Variants in AUTS2 observed in about 807,000 individuals in gnomAD.
AUTS2 encodes activator of transcription and developmental regulator AUTS2.
A neutral mutation model predicts 112.4 loss-of-function variants in AUTS2; 17 were observed. That is an observed-to-expected ratio of 0.15 (90% CI 0.10 to 0.23). The LOEUF (loss-of-function observed/expected upper bound fraction) is 0.23. AUTS2 is among the 10% of genes least tolerant of loss of function. AUTS2 has a pLI of 1.00. For missense variants in AUTS2, 1,510 were observed against 1,701.6 expected (o/e 0.89, Z 1.98); for synonymous variants, 751 against 702.7 (o/e 1.07, Z -1.09).
intron 4 of AUTS2, among the ~76,000 whole-genome samples, chr7:70,325,035 A>G (rs769554589): frequency 5.9e-5 from 9 of 152,152 alleles, no homozygotes; most frequent in East Asian, 3.9e-4. Flanking sequence ...CCAGGGTCCA[A>G]TTGTCCCTTC....
rs1357928695 is a variant in AUTS2, at chr7:70,156,890, G to GCAAAA, written c.660+22319_660+22320insCAAAA. On this transcript the variant is annotated intron_variant, in intron 4 of 18. Transcript: ENST00000342771. ...TAGTGAAACCCCATCTCTACTAAAAGTAAAAAAAAAAAAAAAAAAAAAAAA... is the reference window on the plus strand; with the variant it reads ...TAGTGAAACCCCATCTCTACTAAAAGCAAAATAAAAAAAAAAAAAAAAAAAAAAAA... Among the ~76,000 whole-genome samples the GCAAAA allele has an allele frequency of 1.3e-3, 8 of 6,022 alleles. 1 individual carries two copies. Among genetic ancestry groups the GCAAAA allele is most frequent in the Non-Finnish European group, 2.3e-3 (8 of 3,472 alleles). The allele number at this position is 6,022 out of a possible 152,430, so 4.0% of individuals were successfully genotyped here.
chr7:69,634,276 C>T (rs902944021), intron 1 of AUTS2, among the ~76,000 whole-genome samples: 7 of 151,920 alleles, frequency 4.6e-5, no homozygotes, highest in East Asian at 1.9e-4. Flanking sequence ...CCCGCCATCA[C>T]GCCCGGCTAA....
intron 1 of AUTS2, among the ~76,000 whole-genome samples, chr7:69,752,492 A>G (rs564518442): frequency 7.9e-5 from 12 of 152,304 alleles, no homozygotes; most frequent in African/African-American, 2.9e-4. Flanking sequence ...ACTGCCCCTG[A>G]ATGTGTTTTT....
At chr7:69,926,872 G>GAT (rs1056446076) in intron 2 of AUTS2, among the ~76,000 whole-genome samples, 4 of 144,188 alleles carry the variant, frequency 2.8e-5, no homozygotes, top group Non-Finnish European at 6.0e-5. Context: ...TACATATAAA[G>GAT]ATATATATAA....
chr7:69,755,922 A>T (rs1318447679), intron 1 of AUTS2, among the ~76,000 whole-genome samples: 1 of 152,194 alleles, frequency 6.6e-6, no homozygotes, highest in Non-Finnish European at 1.5e-5. Flanking sequence ...ATGATTTTAT[A>T]GTTTGCTAAT....
intron 4 of AUTS2, among the ~76,000 whole-genome samples, chr7:70,421,924 A>C (rs758591073): frequency 5.9e-5 from 9 of 152,204 alleles, no homozygotes; most frequent in Non-Finnish European, 1.3e-4. Context: ...ATTTTCTTGC[A>C]GACAATTTAT....
chr7:69,793,086 G>A (rs1789689341), intron 1 of AUTS2, among the ~76,000 whole-genome samples: 1 of 152,158 alleles, frequency 6.6e-6, no homozygotes, highest in Admixed American at 6.5e-5. Context: ...CTGGATACAA[G>A]GAGGGCTGGG....
intron 5 of AUTS2, among the ~76,000 whole-genome samples, chr7:70,496,642 C>CCCA (rs1798532753): frequency 7.0e-6 from 1 of 142,090 alleles, no homozygotes; most frequent in Admixed American, 7.1e-5. Flanking sequence ...CACACACACC[C>CCCA]CACACATGCA....
At chr7:69,772,649 G>T (rs1343738066) in intron 1 of AUTS2, among the ~76,000 whole-genome samples, 1 of 152,136 alleles carries the variant, frequency 6.6e-6, no homozygotes, top group Non-Finnish European at 1.5e-5. Flanking sequence ...GCCCAGGCTG[G>T]TCTCAAACTC....
intron 2 of AUTS2, among the ~76,000 whole-genome samples, chr7:69,975,446 C>G (rs1378030003): frequency 1.3e-5 from 2 of 151,996 alleles, no homozygotes; most frequent in African/African-American, 4.8e-5. Flanking sequence ...TTTTAAAGCC[C>G]TATTTTCCTT....
rs1796144269 is a variant in AUTS2 at position 70,442,096 on chromosome 7, C to T, written c.690+6315C>T. Among the ~76,000 whole-genome samples the T allele has an allele frequency of 3.3e-5, 5 of 152,272 alleles. No homozygotes were observed. The South Asian group carries it at 1.0e-3, about 32-fold the overall frequency. Reference sequence around the variant, plus strand: ...TTGTAGCTAGAAAGGAATATCTCCACCTTTCCAGATTTCATAGCAGCAAAG... The same window carrying T: ...TTGTAGCTAGAAAGGAATATCTCCATCTTTCCAGATTTCATAGCAGCAAAG... On this transcript the variant is annotated intron_variant, in intron 5 of 18. Coordinates refer to ENST00000342771, the MANE Select transcript of AUTS2 (RefSeq NM_015570.4).
chr7:70,396,443 C>T (rs965744686), intron 4 of AUTS2, among the ~76,000 whole-genome samples: 1 of 151,184 alleles, frequency 6.6e-6, no homozygotes, highest in Admixed American at 6.6e-5. Context: ...GTGGCACGAT[C>T]TCAGCTCACT....
At chr7:69,605,876 AGT>A (rs1435302744) in intron 1 of AUTS2, among the ~76,000 whole-genome samples, 2 of 152,142 alleles carry the variant, frequency 1.3e-5, no homozygotes, top group Non-Finnish European at 2.9e-5. Context: ...GGGTGTGAAT[AGT>A]GTGTGTGGTT....
intron 4 of AUTS2, among the ~76,000 whole-genome samples, chr7:70,209,118 A>G (rs1810725614): frequency 6.6e-6 from 1 of 152,178 alleles, no homozygotes; most frequent in South Asian, 2.1e-4. Context: ...TGGTAGTTTA[A>G]GACTAGGATT....
intron 5 of AUTS2, among the ~76,000 whole-genome samples, chr7:70,533,148 G>C (rs893775529): frequency 6.6e-6 from 1 of 152,096 alleles, no homozygotes; most frequent in African/African-American, 2.4e-5. Context: ...TTAGAGACTT[G>C]GTCTCACTCT....
intron 5 of AUTS2, among the ~76,000 whole-genome samples, chr7:70,459,416 C>G (rs574264088): frequency 6.6e-6 from 1 of 152,286 alleles, no homozygotes; most frequent in African/African-American, 2.4e-5. Flanking sequence ...GTGTTTCTCT[C>G]CAAAGTTCCT....
At chr7:69,650,578 C>T (rs1212810954) in intron 1 of AUTS2, among the ~76,000 whole-genome samples, 2 of 152,104 alleles carry the variant, frequency 1.3e-5, no homozygotes, top group Non-Finnish European at 2.9e-5. Flanking sequence ...CCAGGACCAG[C>T]TATGTAATTT....
At chr7:70,241,937 G>A (rs1203563963) in intron 4 of AUTS2, among the ~76,000 whole-genome samples, 1 of 152,182 alleles carries the variant, frequency 6.6e-6, no homozygotes, top group Admixed American at 6.5e-5. Flanking sequence ...AGGGCATTTG[G>A]CTGAAGTGGT....
intron 5 of AUTS2, among the ~76,000 whole-genome samples, chr7:70,438,882 A>G (rs2130907376): frequency 6.6e-6 from 1 of 152,284 alleles, no homozygotes; most frequent in East Asian, 1.9e-4. Flanking sequence ...GCAAAAGTGA[A>G]ACTTGTCAGG....
Sources: gnomAD v4.1 joint callset for allele counts (sites outside exome capture counted in the v4.1 genomes callset) on GRCh38, gnomAD v4.1.1 for gene constraint, MANE v1.5 for transcripts, NCBI Gene and HGNC (gene_info 2026-07-23, HGNC 2026-07-21) for gene names.